The following BRD2 variants were observed in gnomAD, a reference collection of about 807,000 sequenced individuals.
BRD2 encodes bromodomain containing 2, also known as bromodomain-containing protein 2.
A neutral mutation model predicts 79.1 loss-of-function variants in BRD2; 15 were observed. That is an observed-to-expected ratio of 0.19 (90% CI 0.13 to 0.29). BRD2 has a LOEUF of 0.29. Ranked by LOEUF, BRD2 falls within the 10% of genes least tolerant of loss-of-function variation. The pLI is 1.00. For missense variants in BRD2, 1,053 were observed against 991.3 expected, an observed-to-expected ratio of 1.06 and a Z score of -0.84; for synonymous variants, 488 against 358.6, an observed-to-expected ratio of 1.36 and a Z score of -4.08.
Position 32,972,091 on chromosome 6 carries a change from CGCGCGCGCGGAGGGGGTGG to C in BRD2, c.-806_-788del, listed in dbSNP as rs1778068049. 3 of 693,586 alleles carry C rather than the reference CGCGCGCGCGGAGGGGGTGG, an allele frequency of 4.3e-6. No homozygotes were observed. Among genetic ancestry groups the C allele is most frequent in the Non-Finnish European group, 7.9e-6 (3 of 380,326 alleles). 43.0% of individuals were successfully genotyped at this position (693,586 alleles called of 1,614,324 possible). On this transcript the variant is annotated 5_prime_UTR_variant, in exon 2 of 13. An upstream open reading frame in the 5' UTR gains an earlier in-frame stop. Transcript: ENST00000374825. ...GCTTCTTCACCCGCGTGAGCGAGCG[CGCGCGCGCGGAGGGGGTGG>C]GGAAAAGCTCAAGCAGGGTGGCGCG...
chr6:32,972,265 C>T lies in BRD2; in HGVS notation c.-634C>T, dbSNP rs956053814. The T allele has an allele frequency of 4.3e-5, 19 of 443,618 alleles. No homozygotes were observed. The highest frequency in any genetic ancestry group is 7.6e-5 in the Non-Finnish European group (18 of 237,594). 27.5% of individuals were successfully genotyped at this position (443,618 alleles called of 1,614,324 possible). A position where few individuals can be genotyped will look rare whatever the true frequency, so the allele number is the denominator to read the frequency against. ...AGGATTCTGCCTACCGATACAGAGC[C>T]TTCGAGTCGTCCGGGGCCGCCATTA... On this transcript the variant is annotated 5_prime_UTR_variant, in exon 2 of 13. Transcript: ENST00000374825.
chr6:32,972,625 G>C lies in BRD2; in HGVS notation c.-274G>C, dbSNP rs964279093. ...CTGAGATCGGGGACCGTCTTTTGAA[G>C]AGTCAGTCCCTCCTTAGTTGCCCGC... is the stretch of plus-strand genomic sequence containing the variant. On this transcript the variant is annotated 5_prime_UTR_variant, in exon 2 of 13. Coordinates refer to ENST00000374825, the MANE Select transcript of BRD2 (RefSeq NM_005104.4). 9 of 581,826 alleles carry C rather than the reference G, an allele frequency of 1.5e-5. No homozygotes were observed. The highest frequency in any genetic ancestry group is 7.5e-5 in the African/African-American group (4 of 53,278). The allele number at this position is 581,826 out of a possible 1,614,324, so 36.0% of individuals were successfully genotyped here. A position where few individuals can be genotyped will look rare whatever the true frequency, so the allele number is the denominator to read the frequency against.
At chr6:32,972,963 T>C in intron 2 of BRD2, 36 bp downstream of exon 2, 2 of 1,613,982 alleles carry the variant, frequency 1.2e-6, no homozygotes, top group Non-Finnish European at 1.7e-6. Context: ...GAAGGGGATG[T>C]TGCAGGGCGG....
At chr6:32,980,529 G>T in intron 12 of BRD2, 53 bp from the exon 13 acceptor site, 1 of 1,612,122 alleles carries the variant, frequency 6.2e-7, no homozygotes, top group South Asian at 1.1e-5. Flanking sequence ...GTCTTTTATT[G>T]ACAAATGAAG....
rs774673466 is a variant in BRD2, at chr6:32,976,831, T to C, written c.1095T>C (p.His365=). Residue 365 remains histidine (H), a synonymous_variant, in exon 7 of 13, where the codon CAT becomes CAC. Coordinates refer to ENST00000374825, the MANE Select transcript of BRD2 (RefSeq NM_005104.4). ...TGAAGGAGTTACTCTCTAAGAAGCA[T>C]GCTGCCTATGCTTGGCCTTTCTATA... The part of the protein sequence containing the change: ...GILKELLSKK[H]AAYAWPFYKP... 1.9e-6 allele frequency: 3 copies of C among 1,613,204 alleles called. No homozygotes were observed. The highest frequency in any genetic ancestry group is 4.5e-5 in the East Asian group (2 of 44,888).
intron 10 of BRD2, 125 bp from the exon 11 acceptor site, chr6:32,979,703 G>C (rs1423980568): frequency 5.2e-6 from 6 of 1,145,742 alleles, no homozygotes; most frequent in Non-Finnish European, 6.0e-6. Context: ...CTCTTACTTG[G>C]CCATTGAATG....
At position 32,975,408 on chromosome 6, in the gene BRD2, C is replaced by G; in HGVS notation, c.358C>G (p.Pro120Ala). The change falls in exon 4 of 13, where the codon CCT (proline) becomes GCT (alanine). Residue 120 changes from proline to alanine, a missense_variant. This residue lies in a region of BRD2 where 413 missense variants were observed against 335.1 expected (regional missense o/e 1.23). Transcript: ENST00000374825. ...LPDYHKIIKQ[P>A]MDMGTIKRRL... ...GGATTATCACAAAATTATAAAACAGCCTATGGACATGGGTACTATTAAGAG... is the reference window on the plus strand; with the variant it reads ...GGATTATCACAAAATTATAAAACAGGCTATGGACATGGGTACTATTAAGAG... The G allele has an allele frequency of 1.1e-5, 17 of 1,607,468 alleles. No individual in the cohort carries two copies. The highest frequency in any genetic ancestry group is 1.4e-5 in the Non-Finnish European group (17 of 1,175,752).
intron 10 of BRD2, chr6:32,979,606 G>A (rs116762033): frequency 0.028 from 16,167 of 569,622 alleles, 289 homozygotes; most frequent in South Asian, 0.04. Flanking sequence ...AGGTATGTAC[G>A]TACATTGTCT....
chr6:32,980,637 C>T lies in BRD2; in HGVS notation c.2325C>T (p.Ser775=), dbSNP rs199887337. 79 of 1,613,174 alleles carry T rather than the reference C, an allele frequency of 4.9e-5. No individual in the cohort carries two copies. Among genetic ancestry groups the T allele is most frequent in the Non-Finnish European group, 6.0e-5 (71 of 1,180,036 alleles). The part of the protein sequence containing the change: ...SAQQVAVSRL[S]ASSSSSDSSS... ...AGCAAGTAGCAGTGTCACGCCTTAGCGCTTCCAGCTCCAGCTCAGATTCCA... is the reference window on the plus strand; with the variant it reads ...AGCAAGTAGCAGTGTCACGCCTTAGTGCTTCCAGCTCCAGCTCAGATTCCA... The change falls in exon 13 of 13, where the codon AGC becomes AGT. Residue 775 remains serine (S), a synonymous_variant. Transcript: ENST00000374825.
At chr6:32,978,027 T>G in intron 9 of BRD2, 22 bp downstream of exon 9, 1 of 1,606,572 alleles carries the variant, frequency 6.2e-7, no homozygotes, top group Non-Finnish European at 8.5e-7. Context: ...CTCTTGAAAG[T>G]TTTTATTGGG....
At position 32,974,602 on chromosome 6, in the gene BRD2, C is replaced by G. The variant is rs572424072; in HGVS notation, c.170C>G (p.Thr57Ser). 21 of 1,614,114 alleles carry G rather than the reference C, an allele frequency of 1.3e-5. No homozygotes were observed. Among genetic ancestry groups the G allele is most frequent in the Non-Finnish European group, 1.8e-5 (21 of 1,180,048 alleles). ...TMASVPALQL[T>S]PANPPPPEVS... ...GCTTCGGTGCCTGCTTTGCAACTTA[C>G]CCCTGCCAACCCACCACCCCCGGAG... Residue 57 changes from threonine (T) to serine (S), a missense_variant, in exon 3 of 13, where the codon ACC becomes AGC. This residue lies in a region of BRD2 where 413 missense variants were observed against 335.1 expected (regional missense o/e 1.23). Coordinates refer to ENST00000374825, the MANE Select transcript of BRD2 (RefSeq NM_005104.4).
chr6:32,978,394 T>TTAGA lies in BRD2; in HGVS notation c.1841+7_1841+10dup, dbSNP rs1779066004. 1.9e-6 allele frequency: 3 copies of TTAGA among 1,610,610 alleles called. No individual in the cohort carries two copies. The East Asian group carries it at 6.7e-5, about 36-fold the overall frequency. On this transcript the variant is annotated splice_region_variant and intron_variant, in intron 10 of 12. Coordinates refer to ENST00000374825, the MANE Select transcript of BRD2 (RefSeq NM_005104.4). The stretch of plus-strand genomic sequence containing the variant: ...TCTGGAGGAAGTGGCACCAAGTGAG[T>TTAGA]TAGAGTAGGAAGCAGAGACTAGTTT...
intron 1 of BRD2, among the ~76,000 whole-genome samples, chr6:32,969,773 G>A (rs1777779009): frequency 6.6e-6 from 1 of 152,128 alleles, no homozygotes; most frequent in South Asian, 2.1e-4. Context: ...GGCAGTAGGG[G>A]GTCTAGACAG....
rs1185016659 is a variant in BRD2, at chr6:32,972,101, G to T, written c.-798G>T. The T allele has an allele frequency of 4.3e-6, 3 of 693,844 alleles. No individual in the cohort carries two copies. Among genetic ancestry groups the T allele is most frequent in the Non-Finnish European group, 7.9e-6 (3 of 380,292 alleles). 43.0% of individuals were successfully genotyped at this position (693,844 alleles called of 1,614,324 possible). On this transcript the variant is annotated 5_prime_UTR_variant, in exon 2 of 13. An upstream open reading frame in the 5' UTR gains an earlier in-frame stop. Transcript: ENST00000374825. ...CCGCGTGAGCGAGCGCGCGCGCGCG[G>T]AGGGGGTGGGGAAAAGCTCAAGCAG...
At chr6:32,974,999 G>C (rs1561937691) in intron 3 of BRD2, 2 of 1,520,110 alleles carry the variant, frequency 1.3e-6, no homozygotes, top group African/African-American at 1.4e-5. Context: ...CTTAACTTTT[G>C]TGCCCTGGCT....
At chr6:32,969,248 G>A in intron 1 of BRD2, 192 bp downstream of exon 1, 1 of 638,548 alleles carries the variant, frequency 1.6e-6, no homozygotes, top group South Asian at 1.7e-5. Flanking sequence ...GGAGGGGAAT[G>A]GCCAGCCTCA....
rs56871244 is a variant in BRD2, at chr6:32,975,913, G to C, written c.472-118G>C. On this transcript the variant is annotated intron_variant, in intron 4 of 12. Coordinates refer to ENST00000374825, the MANE Select transcript of BRD2 (RefSeq NM_005104.4). ...AATTTTCTTTAAGATTTGATGACAA[G>C]ATGACTGGTGGGGGTATGGTAATGG... 7.1e-3 allele frequency: 8,379 copies of C among 1,182,178 alleles called. 45 individuals are homozygous for C. Among genetic ancestry groups the C allele is most frequent in the African/African-American group, 1.0e-2 (645 of 64,792 alleles). The allele number at this position is 1,182,178 out of a possible 1,614,324, so 73.2% of individuals were successfully genotyped here.
At chr6:32,973,710 G>T (rs1778339799) in intron 2 of BRD2, among the ~76,000 whole-genome samples, 1 of 152,162 alleles carries the variant, frequency 6.6e-6, no homozygotes, top group Non-Finnish European at 1.5e-5. Flanking sequence ...GTGTTGTGTA[G>T]TGGGTGGGTG....
At position 32,975,906 on chromosome 6, in the gene BRD2, A is replaced by G. The variant is rs999834119; in HGVS notation, c.472-125A>G. The G allele has an allele frequency of 1.1e-5, 13 of 1,135,164 alleles. No homozygotes were observed. The Admixed American group carries it at 1.8e-4, about 16-fold the overall frequency. The allele number at this position is 1,135,164 out of a possible 1,614,324, so 70.3% of individuals were successfully genotyped here. Reference sequence around the variant, plus strand: ...AGTAGGAAATTTTCTTTAAGATTTGATGACAAGATGACTGGTGGGGGTATG... The same window carrying G: ...AGTAGGAAATTTTCTTTAAGATTTGGTGACAAGATGACTGGTGGGGGTATG... On this transcript the variant is annotated intron_variant, in intron 4 of 12. Coordinates refer to ENST00000374825, the MANE Select transcript of BRD2 (RefSeq NM_005104.4).
Sources: allele counts gnomAD v4.1 joint callset (sites outside exome capture counted in the v4.1 genomes callset), GRCh38; gene constraint gnomAD v4.1.1; regional missense constraint gnomAD v4.1.1; transcripts MANE v1.5; gene names NCBI Gene and HGNC (gene_info 2026-07-23, HGNC 2026-07-21).